The following SYTL5 variants were observed in gnomAD, a reference collection of about 807,000 sequenced individuals.
The protein encoded by SYTL5 is synaptotagmin like 5.
Under a neutral mutation model 55.9 loss-of-function variants are expected in SYTL5, and 34 were observed. The observed-to-expected ratio is 0.61, with a 90% CI of 0.46 to 0.81. The LOEUF is 0.81. SYTL5 is among the 30% of genes least tolerant of loss of function. SYTL5 has a pLI of 0.00. For synonymous variants in SYTL5, 221 were observed against 188.7 expected, an observed-to-expected ratio of 1.17 and a Z score of -1.40; for missense variants, 637 against 546.7, an observed-to-expected ratio of 1.17 and a Z score of -1.65.
chrX:38,101,066 C>CA (rs1937072285), intron 9 of SYTL5, among the ~76,000 whole-genome samples: 1 of 110,534 alleles, frequency 9.0e-6, no homozygotes, highest in Admixed American at 9.6e-5. Flanking sequence ...CAATATTAAG[C>CA]AAAAAAAGCA....
At chrX:38,072,269 TCC>T (rs1936286381) in intron 4 of SYTL5, 107 bp downstream of exon 4, 1 of 545,220 alleles carries the variant, frequency 1.8e-6, no homozygotes, top group African/African-American at 2.3e-5. Flanking sequence ...GTTTCTTGAA[TCC>T]CTTAGGGCAT....
intron 1 of SYTL5, among the ~76,000 whole-genome samples, chrX:38,022,495 G>A: frequency 9.0e-6 from 1 of 111,718 alleles, no homozygotes; most frequent in African/African-American, 3.3e-5. Flanking sequence ...GCTTCTAGAG[G>A]CCATCTGCAT....
intron 1 of SYTL5, among the ~76,000 whole-genome samples, chrX:38,017,925 C>T (rs1934413984): frequency 9.1e-6 from 1 of 109,691 alleles, no homozygotes; most frequent in South Asian, 4.1e-4. Context: ...CAGGTGCCGG[C>T]GGTGATTACC....
chrX:37,967,888 A>G, the SYTL5 span, among the ~76,000 whole-genome samples: 1 of 107,491 alleles, frequency 9.3e-6, no homozygotes, highest in Admixed American at 1.0e-4. Context: ...GGCATGAGTC[A>G]CTGCACCTGA....
chrX:38,031,747 G>A (rs2017711267), intron 1 of SYTL5, among the ~76,000 whole-genome samples: 1 of 111,722 alleles, frequency 9.0e-6, no homozygotes, highest in South Asian at 3.8e-4. Flanking sequence ...TTTCTCTGCG[G>A]AGACTGCAGT....
intron 9 of SYTL5, among the ~76,000 whole-genome samples, chrX:38,098,151 A>G (rs1936984776): frequency 9.0e-6 from 1 of 111,253 alleles, no homozygotes; most frequent in Admixed American, 9.5e-5. Context: ...TAAATATGGC[A>G]CTGAAAGCAT....
At chrX:37,942,829 G>A in the SYTL5 span, among the ~76,000 whole-genome samples, 7 of 111,352 alleles carry the variant, frequency 6.3e-5, 1 homozygote, top group Admixed American at 4.8e-4. Flanking sequence ...AGCTATGCCC[G>A]ATCACAGAGA....
intron 5 of SYTL5, among the ~76,000 whole-genome samples, 158 bp downstream of exon 5, chrX:38,073,856 T>C (rs1671084757): frequency 8.9e-6 from 1 of 112,011 alleles, no homozygotes. Context: ...CCTCAGGAAA[T>C]GCAGTTTTAA....
At chrX:37,929,666 G>A in the SYTL5 span, among the ~76,000 whole-genome samples, 1 of 111,482 alleles carries the variant, frequency 9.0e-6, no homozygotes, top group Non-Finnish European at 1.9e-5. Flanking sequence ...CCTGATCTGA[G>A]ACAAATGGCC....
intron 2 of SYTL5, 121 bp from the exon 3 acceptor site, chrX:38,054,092 A>G (rs1935701028): frequency 1.9e-6 from 1 of 515,828 alleles, no homozygotes; most frequent in Non-Finnish European, 3.2e-6. Context: ...GGTGGTCCCC[A>G]GTTTAAAGCA....
At chrX:38,077,566 T>C (rs1241316110) in intron 6 of SYTL5, among the ~76,000 whole-genome samples, 1 of 111,015 alleles carries the variant, frequency 9.0e-6, no homozygotes, top group Non-Finnish European at 1.9e-5. Flanking sequence ...CTATTTTGAC[T>C]ATTGGGTTAT....
the SYTL5 span, among the ~76,000 whole-genome samples, chrX:37,961,774 T>C: frequency 1.8e-5 from 2 of 112,424 alleles, no homozygotes; most frequent in Admixed American, 1.9e-4. Flanking sequence ...TACTTATTTA[T>C]TTTTTATATG....
At chrX:37,971,460 G>A in the SYTL5 span, among the ~76,000 whole-genome samples, 20,027 of 110,193 alleles carry the variant, frequency 0.18, 1,712 homozygotes, top group Non-Finnish European at 0.26. Context: ...CAAAGTTCCC[G>A]TAGCTATTAC....
At chrX:38,028,704 G>GT (rs942367850) in intron 1 of SYTL5, among the ~76,000 whole-genome samples, 1 of 111,603 alleles carries the variant, frequency 9.0e-6, no homozygotes, top group Non-Finnish European at 1.9e-5. Context: ...AGTCCTGAAA[G>GT]TTTTTTTCTT....
the SYTL5 span, among the ~76,000 whole-genome samples, chrX:37,900,762 T>C: frequency 9.0e-6 from 1 of 111,081 alleles, no homozygotes; most frequent in Non-Finnish European, 1.9e-5. Flanking sequence ...CATGTGTCCA[T>C]CTCTGAAACA....
chrX:37,989,278 C>T, the SYTL5 span, among the ~76,000 whole-genome samples: 5 of 111,870 alleles, frequency 4.5e-5, no homozygotes, highest in Non-Finnish European at 7.5e-5. Flanking sequence ...CATGAATCCC[C>T]ATGACATACA....
At chrX:37,947,200 G>T in the SYTL5 span, among the ~76,000 whole-genome samples, 36,749 of 110,403 alleles carry the variant, frequency 0.33, 4,429 homozygotes, top group East Asian at 0.6. Context: ...TTCATTCAGT[G>T]ATTGCTTTGT....
At position 38,054,613 on chromosome X, in the gene SYTL5, A is replaced by T. The variant is rs200281487; in HGVS notation, c.329+191A>T. Among the ~76,000 whole-genome samples, 5 of 19,043 alleles carry T rather than the reference A, an allele frequency of 2.6e-4. No individual in the cohort carries two copies. Among genetic ancestry groups the T allele is most frequent in the African/African-American group, 1.4e-3 (1 of 716 alleles). The allele number at this position is 19,043 out of a possible 115,157, so 16.5% of individuals were successfully genotyped here. A position where few individuals can be genotyped will look rare whatever the true frequency, so the allele number is the denominator to read the frequency against. ...GTGTGTGTGTGTGTGTGTGTATGTG[A>T]GAGAGAGAGAGAGAGAGAGAGAGAG... is the stretch of plus-strand genomic sequence containing the variant. On this transcript the variant is annotated intron_variant, in intron 3 of 16. Transcript: ENST00000297875.
At chrX:37,940,339 C>T in the SYTL5 span, among the ~76,000 whole-genome samples, 6 of 109,654 alleles carry the variant, frequency 5.5e-5, no homozygotes, top group Non-Finnish European at 1.1e-4. Context: ...ACAAAACACT[C>T]CTATAGGCTG....
Sources: gnomAD v4.1 joint callset for allele counts (sites outside exome capture counted in the v4.1 genomes callset) on GRCh38, gnomAD v4.1.1 for gene constraint, MANE v1.5 for transcripts, NCBI Gene and HGNC (gene_info 2026-07-23, HGNC 2026-07-21) for gene names.